The following ZNF71 variants were observed in gnomAD, a reference collection of about 807,000 sequenced individuals.
The protein encoded by ZNF71 is zinc finger protein 71, also known as endothelial zinc finger protein induced by tumor necrosis factor alpha.
A neutral mutation model predicts 6.7 loss-of-function variants in ZNF71; 3 were observed. The observed-to-expected ratio is 0.45, with a 90% CI of 0.20 to 1.16. ZNF71 has a LOEUF of 1.16. Ranked by LOEUF, ZNF71 falls within the 50% of genes most tolerant of loss-of-function variation. ZNF71 has a pLI of 0.25. For missense variants in ZNF71, 688 were observed against 728.6 expected, an observed-to-expected ratio of 0.94 and a Z score of 0.64; for synonymous variants, 343 against 311.1, an observed-to-expected ratio of 1.10 and a Z score of -1.08.
chr19:56,622,396 C>G lies in ZNF71; in HGVS notation c.1289C>G (p.Thr430Arg), dbSNP rs751566492. 2 of 1,613,688 alleles carry G rather than the reference C, an allele frequency of 1.2e-6. No homozygotes were observed. Among genetic ancestry groups the G allele is most frequent in the South Asian group, 1.1e-5 (1 of 91,058 alleles). The change falls in exon 4 of 4, where the codon ACG becomes AGG. Residue 430 changes from threonine (T) to arginine (R), a missense_variant. Physicochemically the swap from Thr to Arg is moderately conservative, Grantham distance 71 (BLOSUM62 -1). Coordinates refer to ENST00000599599, the MANE Select transcript of ZNF71 (RefSeq NM_001370215.1). ...GCCTTCAGCAAGAACTCCTCGCTCA[C>G]GCAGCACCAGCGCATCCACACCGGC... ...GKAFSKNSSLTQHQRIHTGEK... is the reference protein window; with the variant it reads ...GKAFSKNSSLRQHQRIHTGEK...
At position 56,595,722 on chromosome 19, in the gene ZNF71, G is replaced by A. The variant is rs1402202316; in HGVS notation, c.-53+294G>A. On this transcript the variant is annotated intron_variant, in intron 1 of 3. Coordinates refer to ENST00000599599, the MANE Select transcript of ZNF71 (RefSeq NM_001370215.1). ...CAGTGCATATCATCCTGAGGATGAGGCTGTGTCTTTGTGGATATTGTGAAT... is the reference window on the plus strand; with the variant it reads ...CAGTGCATATCATCCTGAGGATGAGACTGTGTCTTTGTGGATATTGTGAAT... 1.1e-4 allele frequency among the ~76,000 whole-genome samples: 16 copies of A among 152,126 alleles called. 1 individual carries two copies. The highest frequency in any genetic ancestry group is 1.0e-3 in the Admixed American group (16 of 15,284).
chr19:56,609,173 A>G (rs1259763631), intron 2 of ZNF71, among the ~76,000 whole-genome samples: 1 of 152,200 alleles, frequency 6.6e-6, no homozygotes, highest in East Asian at 1.9e-4. Flanking sequence ...AAACGCACCT[A>G]TTTGAAAATT....
At chr19:56,595,964 C>T (rs1398231915) in intron 1 of ZNF71, among the ~76,000 whole-genome samples, 5 of 141,220 alleles carry the variant, frequency 3.5e-5, no homozygotes, top group South Asian at 2.3e-4. Flanking sequence ...CATGTATGTC[C>T]GTGTGGGTCA....
At chr19:56,616,679 C>A (rs1276911112) in intron 3 of ZNF71, among the ~76,000 whole-genome samples, 1 of 152,184 alleles carries the variant, frequency 6.6e-6, no homozygotes, top group Non-Finnish European at 1.5e-5. Context: ...GAGTTCCTTG[C>A]AGGTCTTCAG....
chr19:56,605,405 CAA>C (rs1332181892), intron 2 of ZNF71, among the ~76,000 whole-genome samples: 3 of 152,194 alleles, frequency 2.0e-5, no homozygotes, highest in African/African-American at 7.2e-5. Context: ...CATACCAGCT[CAA>C]GAGACAGACT....
In ZNF71 at chr19:56,622,822, T is replaced by C; in HGVS notation, c.*65T>C. ...GGACGCCAGATGGCTGCGCGCTTTG[T>C]CAGCAGTGCTGTGAGAAGTTCTCCC... On this transcript the variant is annotated 3_prime_UTR_variant, in exon 4 of 4. Transcript: ENST00000599599. 1 of 1,533,438 alleles carries C rather than the reference T, an allele frequency of 6.5e-7. No individual in the cohort carries two copies. The highest frequency in any genetic ancestry group is 8.8e-7 in the Non-Finnish European group (1 of 1,138,496). The allele number at this position is 1,533,438 out of a possible 1,614,324, so 95.0% of individuals were successfully genotyped here.
chr19:56,607,601 A>G (rs893877973), intron 2 of ZNF71, among the ~76,000 whole-genome samples: 3 of 152,194 alleles, frequency 2.0e-5, no homozygotes, highest in Non-Finnish European at 4.4e-5. Context: ...ACTTTCATAC[A>G]TTCACATAGC....
At position 56,614,750 on chromosome 19, in the gene ZNF71, C is replaced by T. The variant is rs550459874; in HGVS notation, c.160+812C>T. ...GGTATTATTGACCTGTAATTAACCACGCATATATAAAGTGAAGAGTTTGAT... is the reference window on the plus strand; with the variant it reads ...GGTATTATTGACCTGTAATTAACCATGCATATATAAAGTGAAGAGTTTGAT... On this transcript the variant is annotated intron_variant, in intron 3 of 3. Transcript: ENST00000599599. 5.3e-5 allele frequency among the ~76,000 whole-genome samples: 8 copies of T among 152,286 alleles called. No homozygotes were observed. In the South Asian group the frequency reaches 1.0e-3, roughly 20 times the overall value.
At chr19:56,602,421 G>A (rs1600584738) in intron 2 of ZNF71, among the ~76,000 whole-genome samples, 3 of 152,234 alleles carry the variant, frequency 2.0e-5, no homozygotes, top group South Asian at 2.1e-4. Flanking sequence ...ATGTCTGAGC[G>A]GGTCTCTGAT....
intron 3 of ZNF71, among the ~76,000 whole-genome samples, chr19:56,619,299 C>G (rs368952831): frequency 6.6e-5 from 10 of 152,112 alleles, no homozygotes; most frequent in African/African-American, 2.4e-4. Context: ...AAACCCTATC[C>G]CCATTAAACA....
Position 56,622,761 on chromosome 19 carries a change from C to T in ZNF71, c.*4C>T. 6.3e-7 allele frequency: 1 copy of T among 1,591,180 alleles called. No homozygotes were observed. Among genetic ancestry groups the T allele is most frequent in the Non-Finnish European group, 8.6e-7 (1 of 1,167,342 alleles). ...CCACCTGCGGATTCACACCTGAGCG[C>T]CTCTGTGCAGGGCTCTCACTGGCGG... On this transcript the variant is annotated 3_prime_UTR_variant, in exon 4 of 4. Transcript: ENST00000599599.
Position 56,600,096 on chromosome 19 carries a change from G to GTT in ZNF71, c.-52-1394_-52-1393dup, listed in dbSNP as rs1162051204. Among the ~76,000 whole-genome samples, 133 of 101,086 alleles carry GTT rather than the reference G, an allele frequency of 1.3e-3. 4 individuals are homozygous for GTT. Among genetic ancestry groups the GTT allele is most frequent in the African/African-American group, 5.4e-3 (119 of 21,984 alleles). The allele number at this position is 101,086 out of a possible 152,430, so 66.3% of individuals were successfully genotyped here. On this transcript the variant is annotated intron_variant, in intron 1 of 3. Transcript: ENST00000599599. ...GTGTTTTTTTGTTTTTTTGGGGTTT[G>GTT]TTTTTTTTTTTTTTTTTTGAGATGG...
chr19:56,609,654 G>A lies in ZNF71; in HGVS notation c.34-4158G>A, dbSNP rs932360024. 1.2e-4 allele frequency among the ~76,000 whole-genome samples: 17 copies of A among 141,032 alleles called. 1 individual carries two copies. Among genetic ancestry groups the A allele is most frequent in the African/African-American group, 4.7e-4 (15 of 31,642 alleles). The allele number at this position is 141,032 out of a possible 152,430, so 92.5% of individuals were successfully genotyped here. A position where few individuals can be genotyped will look rare whatever the true frequency, so the allele number is the denominator to read the frequency against. On this transcript the variant is annotated intron_variant, in intron 2 of 3. Transcript: ENST00000599599. ...ATACGATATGGATTTTGCCTGTTCT[G>A]GACATTGTACATAAATGAGCCATAC...
chr19:56,623,923 C>T lies in ZNF71; in HGVS notation c.*1166C>T, dbSNP rs2044887469. The T allele has an allele frequency of 6.0e-6, 1 of 167,118 alleles. No individual in the cohort carries two copies. Among genetic ancestry groups the T allele is most frequent in the African/African-American group, 2.4e-5 (1 of 41,458 alleles). 10.4% of individuals were successfully genotyped at this position (167,118 alleles called of 1,614,324 possible). A position where few individuals can be genotyped will look rare whatever the true frequency, so the allele number is the denominator to read the frequency against. On this transcript the variant is annotated 3_prime_UTR_variant, in exon 4 of 4. Coordinates refer to ENST00000599599, the MANE Select transcript of ZNF71 (RefSeq NM_001370215.1). ...AAGGTCCTCCCTCTTCATACTGTTA[C>T]ATTGGGGATCAAGTTTCCAATATGT... is the stretch of plus-strand genomic sequence containing the variant.
At position 56,622,522 on chromosome 19, in the gene ZNF71, G is replaced by A. The variant is rs1349765418; in HGVS notation, c.1415G>A (p.Cys472Tyr). ...CACACCGGGGAGAAGCCCTACGTGT[G>A]CGGCGAGTGCGGCAAGGCCTTCAGC... is the stretch of plus-strand genomic sequence containing the variant. ...IVHTGEKPYVCGECGKAFSQS... is the reference protein window; with the variant it reads ...IVHTGEKPYVYGECGKAFSQS... The change falls in exon 4 of 4, where the codon TGC becomes TAC. Residue 472 changes from cysteine to tyrosine, a missense_variant. Coordinates refer to ENST00000599599, the MANE Select transcript of ZNF71 (RefSeq NM_001370215.1). 10 of 1,610,060 alleles carry A rather than the reference G, an allele frequency of 6.2e-6. No homozygotes were observed. Among genetic ancestry groups the A allele is most frequent in the African/African-American group, 5.3e-5 (4 of 74,892 alleles).
At chr19:56,605,435 G>A (rs1274186926) in intron 2 of ZNF71, among the ~76,000 whole-genome samples, 4 of 152,204 alleles carry the variant, frequency 2.6e-5, no homozygotes, top group Non-Finnish European at 5.9e-5. Context: ...AAAGAAGCTA[G>A]CAGACTACTC....
chr19:56,602,702 A>G (rs2044680234), intron 2 of ZNF71, among the ~76,000 whole-genome samples: 4 of 152,260 alleles, frequency 2.6e-5, no homozygotes, highest in Admixed American at 1.3e-4. Flanking sequence ...GTCTACAGGA[A>G]TCTGAGTATG....
intron 2 of ZNF71, among the ~76,000 whole-genome samples, chr19:56,607,947 G>A (rs1004304000): frequency 6.6e-6 from 1 of 152,272 alleles, no homozygotes. Flanking sequence ...TACTGACATT[G>A]GTGGGAGGCT....
chr19:56,611,649 C>T (rs1373959947), intron 2 of ZNF71, among the ~76,000 whole-genome samples: 3 of 152,180 alleles, frequency 2.0e-5, no homozygotes, highest in East Asian at 3.8e-4. Flanking sequence ...AATGTTAGCA[C>T]CTGACTCGTA....
Sources: gnomAD v4.1 joint callset for allele counts (sites outside exome capture counted in the v4.1 genomes callset) on GRCh38, gnomAD v4.1.1 for gene constraint, MANE v1.5 for transcripts, NCBI Gene and HGNC (gene_info 2026-07-23, HGNC 2026-07-21) for gene names.